The following DIAPH3 variants were observed in gnomAD, a reference collection of about 807,000 sequenced individuals.
The protein encoded by DIAPH3 is protein diaphanous homolog 3.
DIAPH3 carries 117 observed loss-of-function variants against 144.3 expected under a neutral mutation model. The ratio of observed to expected loss-of-function variants is 0.81; its 90% CI spans 0.70 to 0.95. DIAPH3 has a LOEUF of 0.95. Among genes scored for constraint, DIAPH3 ranks in the 40% least tolerant of loss-of-function variants. The pLI, the probability that DIAPH3 is intolerant of heterozygous loss-of-function variation, is 0.00. For synonymous variants in DIAPH3, 519 were observed against 488.9 expected (o/e 1.06, Z -0.81); for missense variants, 1,421 against 1,412.7 (o/e 1.01, Z -0.09).
Position 59,845,665 on chromosome 13 carries a change from C to G in DIAPH3, c.2738-6217G>C, listed in dbSNP as rs189857857. ...GATCCTGGAAATAATGTGTGTCTAT[C>G]TGCCTTGTGCACTTCACCCCTGGGT... On this transcript the variant is annotated intron_variant, in intron 22 of 27. Transcript: ENST00000400324. Among the ~76,000 whole-genome samples the G allele has an allele frequency of 5.9e-5, 9 of 152,320 alleles. No homozygotes were observed. The East Asian group carries it at 1.5e-3, about 26-fold the overall frequency.
intron 9 of DIAPH3, among the ~76,000 whole-genome samples, chr13:60,005,424 TTGACTG>T (rs1566644503): frequency 6.6e-6 from 1 of 152,102 alleles, no homozygotes; most frequent in Non-Finnish European, 1.5e-5. Context: ...TCTTCTAAAA[TTGACTG>T]TGGTAAAGAT....
intron 27 of DIAPH3, among the ~76,000 whole-genome samples, chr13:59,756,444 A>AAAGAAG (rs1566265975): frequency 2.4e-5 from 3 of 122,758 alleles, no homozygotes; most frequent in South Asian, 2.8e-4. Flanking sequence ...AAGGAAGGAA[A>AAAGAAG]GAAGGAAGGA....
intron 27 of DIAPH3, among the ~76,000 whole-genome samples, chr13:59,714,971 A>G (rs1023863722): frequency 6.7e-6 from 1 of 149,352 alleles, no homozygotes; most frequent in Non-Finnish European, 1.5e-5. Flanking sequence ...ACAATAAGGG[A>G]GCAGGGAGAA....
chr13:60,062,588 A>C (rs2056815428), intron 4 of DIAPH3, among the ~76,000 whole-genome samples: 3 of 152,204 alleles, frequency 2.0e-5, no homozygotes, highest in African/African-American at 7.2e-5. Flanking sequence ...GAAAAGGTGA[A>C]CATGTCAGAT....
At chr13:59,904,624 T>C (rs2046631296) in intron 20 of DIAPH3, among the ~76,000 whole-genome samples, 1 of 151,850 alleles carries the variant, frequency 6.6e-6, no homozygotes, top group African/African-American at 2.4e-5. Flanking sequence ...ACCTGTCATG[T>C]ACAAAGGACC....
chr13:59,963,193 G>A (rs550880926), intron 17 of DIAPH3, among the ~76,000 whole-genome samples: 17 of 152,064 alleles, frequency 1.1e-4, no homozygotes, highest in Non-Finnish European at 2.2e-4. Flanking sequence ...AGATGCCAAC[G>A]CACATGTGAA....
At chr13:59,938,024 T>C (rs539519869) in intron 17 of DIAPH3, among the ~76,000 whole-genome samples, 3 of 152,234 alleles carry the variant, frequency 2.0e-5, no homozygotes, top group South Asian at 4.2e-4. Context: ...GATAGCTCAG[T>C]TGGGAATTCA....
At chr13:60,136,796 C>T (rs2059290419) in intron 1 of DIAPH3, among the ~76,000 whole-genome samples, 1 of 151,992 alleles carries the variant, frequency 6.6e-6, no homozygotes, top group African/African-American at 2.4e-5. Context: ...AAAAATTAGC[C>T]GGGCGTGGTG....
intron 27 of DIAPH3, among the ~76,000 whole-genome samples, chr13:59,734,755 G>C (rs1450792457): frequency 6.6e-6 from 1 of 152,162 alleles, no homozygotes; most frequent in Non-Finnish European, 1.5e-5. Context: ...GAAAGGTGCA[G>C]GCGGCTCTCT....
chr13:59,924,846 T>G lies in DIAPH3; in HGVS notation c.2099A>C (p.Glu700Ala). ...QKERREEEDI[E>A]EKKSIKKKIK... The stretch of plus-strand genomic sequence containing the variant: ...TTTTTTCTTAATCGATTTCTTCTCT[T>G]CAATATCTTCCTCTTCTCTTCTCTC... The change falls in exon 18 of 28, where the codon GAA becomes GCA. Residue 700 changes from glutamate (E) to alanine (A), a missense_variant. Glu to Ala is a moderately radical substitution (Grantham distance 107). Transcript: ENST00000400324. 4 of 1,601,210 alleles carry G rather than the reference T, an allele frequency of 2.5e-6. No homozygotes were observed. Among genetic ancestry groups the G allele is most frequent in the Non-Finnish European group, 3.4e-6 (4 of 1,171,166 alleles).
chr13:59,816,881 A>C (rs1039870279), intron 24 of DIAPH3, among the ~76,000 whole-genome samples: 1 of 151,882 alleles, frequency 6.6e-6, no homozygotes, highest in Admixed American at 6.6e-5. Context: ...CACATATGGT[A>C]TAAATTTATA....
chr13:59,996,078 A>G (rs1186634083), intron 9 of DIAPH3, among the ~76,000 whole-genome samples: 1 of 152,036 alleles, frequency 6.6e-6, no homozygotes, highest in Non-Finnish European at 1.5e-5. Context: ...CAACTGTGTC[A>G]ACTGGTCAAA....
At chr13:60,136,976 C>T (rs1296601233) in intron 1 of DIAPH3, among the ~76,000 whole-genome samples, 1 of 152,106 alleles carries the variant, frequency 6.6e-6, no homozygotes. Flanking sequence ...ACCGTTCTGT[C>T]CACAAGACTA....
At chr13:59,942,769 TTAAA>T (rs1475680169) in intron 17 of DIAPH3, among the ~76,000 whole-genome samples, 45 of 152,248 alleles carry the variant, frequency 3.0e-4, no homozygotes, top group Non-Finnish European at 5.6e-4. Context: ...TTTTCCTTAA[TTAAA>T]TGAGCTCATA....
chr13:59,754,086 T>C (rs545321908), intron 27 of DIAPH3, among the ~76,000 whole-genome samples: 2 of 152,162 alleles, frequency 1.3e-5, no homozygotes, highest in African/African-American at 2.4e-5. Context: ...CCATCTAATC[T>C]GTCACAAAAC....
intron 3 of DIAPH3, among the ~76,000 whole-genome samples, chr13:60,100,451 T>A (rs1291175895): frequency 6.6e-6 from 1 of 152,136 alleles, no homozygotes; most frequent in African/African-American, 2.4e-5. Context: ...ATGCAAGATG[T>A]GATCCTGGAT....
intron 2 of DIAPH3, among the ~76,000 whole-genome samples, chr13:60,127,929 G>T (rs1160922176): frequency 6.6e-6 from 1 of 151,958 alleles, no homozygotes; most frequent in African/African-American, 2.4e-5. Flanking sequence ...TTTAGGTTCA[G>T]AGGTACATGT....
At chr13:60,136,317 G>A (rs1363409782) in intron 1 of DIAPH3, among the ~76,000 whole-genome samples, 1 of 152,010 alleles carries the variant, frequency 6.6e-6, no homozygotes, top group Non-Finnish European at 1.5e-5. Context: ...CAGGAAAATA[G>A]TTAACTGCAA....
chr13:60,040,833 AT>A (rs368618818), intron 5 of DIAPH3, among the ~76,000 whole-genome samples: 8 of 150,468 alleles, frequency 5.3e-5, no homozygotes, highest in African/African-American at 1.5e-4. Context: ...GTGCTCAATA[AT>A]TTTTTTTTTC....
Sources: gnomAD v4.1 joint callset for allele counts (sites outside exome capture counted in the v4.1 genomes callset) on GRCh38, gnomAD v4.1.1 for gene constraint, MANE v1.5 for transcripts, NCBI Gene and HGNC (gene_info 2026-07-23, HGNC 2026-07-21) for gene names.